Variants in RPS6KA6 observed in about 807,000 individuals in gnomAD.
RPS6KA6 encodes the protein ribosomal protein S6 kinase A6, also known as ribosomal protein S6 kinase alpha-6.
A neutral mutation model predicts 65.4 loss-of-function variants in RPS6KA6; 27 were observed. That is an observed-to-expected ratio of 0.41 (90% CI 0.30 to 0.57). RPS6KA6 has a LOEUF of 0.57. RPS6KA6 is among the 20% of genes least tolerant of loss of function. RPS6KA6 has a pLI of 0.24. For missense variants in RPS6KA6, 486 were observed against 555.6 expected (o/e 0.87, Z 1.26); for synonymous variants, 190 against 184.2 (o/e 1.03, Z -0.26).
Position 84,062,910 on chromosome X carries a change from T to G in RPS6KA6, c.*1367A>C, listed in dbSNP as rs967684810. 9.3e-6 allele frequency: 1 copy of G among 107,770 alleles called. No homozygotes were observed. The highest frequency in any genetic ancestry group is 1.9e-5 in the Non-Finnish European group (1 of 51,875). The allele number at this position is 107,770 out of a possible 1,213,427, so 8.9% of individuals were successfully genotyped here. A position where few individuals can be genotyped will look rare whatever the true frequency, so the allele number is the denominator to read the frequency against. On this transcript the variant is annotated 3_prime_UTR_variant, in exon 22 of 22. Coordinates refer to ENST00000262752, the MANE Select transcript of RPS6KA6 (RefSeq NM_014496.5). ...CCTCCAGTTTACATTCATGAATTCT[T>G]TCTGTCAGTAGTAGTAGTAGTAGTA...
chrX:84,102,612 G>A (rs1026015923), intron 17 of RPS6KA6, among the ~76,000 whole-genome samples: 2 of 110,882 alleles, frequency 1.8e-5, no homozygotes, highest in African/African-American at 6.5e-5. Context: ...CCTCCTTGAA[G>A]TAAACAACCA....
At chrX:84,135,361 G>A (rs1163755996) in intron 6 of RPS6KA6, 151 bp from the exon 7 acceptor site, 10 of 393,671 alleles carry the variant, frequency 2.5e-5, no homozygotes, top group Non-Finnish European at 4.0e-5. Flanking sequence ...ATAATTATTG[G>A]CAATACCAGA....
At chrX:84,106,098 C>T (rs755741920) in intron 15 of RPS6KA6, among the ~76,000 whole-genome samples, 12 of 111,368 alleles carry the variant, frequency 1.1e-4, no homozygotes, top group Non-Finnish European at 1.9e-4. Context: ...CCAATGATGA[C>T]GTGATTGTAA....
chrX:84,131,179 G>A (rs1040533980), intron 8 of RPS6KA6, among the ~76,000 whole-genome samples: 3 of 111,125 alleles, frequency 2.7e-5, no homozygotes, highest in African/African-American at 9.8e-5. Flanking sequence ...ACATCAGAAG[G>A]ATGAGTTTTA....
At chrX:84,127,576 T>C (rs946746777) in intron 8 of RPS6KA6, among the ~76,000 whole-genome samples, 3 of 110,938 alleles carry the variant, frequency 2.7e-5, no homozygotes, top group African/African-American at 9.8e-5. Flanking sequence ...AACAAGATAC[T>C]AGCAAATTGA....
intron 20 of RPS6KA6, among the ~76,000 whole-genome samples, chrX:84,091,369 A>G (rs2034041059): frequency 8.9e-6 from 1 of 112,539 alleles, no homozygotes; most frequent in South Asian, 3.6e-4. Context: ...AGTACTCATT[A>G]TGCTAGATGT....
chrX:84,181,691 C>A (rs1380470348), intron 1 of RPS6KA6, among the ~76,000 whole-genome samples: 1 of 110,907 alleles, frequency 9.0e-6, no homozygotes, highest in Admixed American at 9.7e-5. Flanking sequence ...AAATGTGAAT[C>A]TCTGAGTGGA....
chrX:84,076,623 A>G (rs776466502), intron 20 of RPS6KA6, among the ~76,000 whole-genome samples: 12 of 111,797 alleles, frequency 1.1e-4, no homozygotes, highest in African/African-American at 3.9e-4. Context: ...AATTTTCATC[A>G]AACCAGAAAC....
In RPS6KA6 at chrX:84,059,993, T is replaced by G. The variant is rs918434496; in HGVS notation, c.*4284A>C. The stretch of plus-strand genomic sequence containing the variant: ...AATATATTCAAGTATAGTTCCCTTT[T>G]CTCTTATGTATTAGCAACCAAACTG... On this transcript the variant is annotated 3_prime_UTR_variant, in exon 22 of 22. Transcript: ENST00000262752. 5.4e-5 allele frequency: 6 copies of G among 111,976 alleles called. No individual in the cohort carries two copies. The highest frequency in any genetic ancestry group is 1.9e-4 in the African/African-American group (6 of 30,847). 9.2% of individuals were successfully genotyped at this position (111,976 alleles called of 1,213,427 possible).
At position 84,187,892 on chromosome X, in the gene RPS6KA6, G is replaced by T. The variant is rs762798710; in HGVS notation, c.8C>A (p.Pro3Gln). Residue 3 changes from proline (P) to glutamine (Q), a missense_variant, in exon 1 of 22, where the codon CCA (proline) becomes CAA (glutamine). Pro to Gln is a moderately conservative substitution (Grantham distance 76). Coordinates refer to ENST00000262752, the MANE Select transcript of RPS6KA6 (RefSeq NM_014496.5). Reference sequence around the variant, plus strand: ...CCAGGGCTCGTCCTGAGGAGCGAATGGTAGCATCTCCCCTTCAGGAGCACT... The same window carrying T: ...CCAGGGCTCGTCCTGAGGAGCGAATTGTAGCATCTCCCCTTCAGGAGCACT... ML[P>Q]FAPQDEPWDR... 4 of 1,198,486 alleles carry T rather than the reference G, an allele frequency of 3.3e-6. No individual in the cohort carries two copies. In the South Asian group the frequency reaches 7.2e-5, roughly 22 times the overall value.
intron 1 of RPS6KA6, among the ~76,000 whole-genome samples, chrX:84,166,657 T>C (rs1024253674): frequency 1.8e-5 from 2 of 110,826 alleles, no homozygotes; most frequent in Non-Finnish European, 3.8e-5. Context: ...AGAGTAATAC[T>C]GAAAAAATCA....
At chrX:84,118,356 G>C (rs2034607434) in intron 9 of RPS6KA6, among the ~76,000 whole-genome samples, 2 of 111,296 alleles carry the variant, frequency 1.8e-5, no homozygotes, top group African/African-American at 6.5e-5. Context: ...TGGAGGAGTA[G>C]AGGTGAGAAC....
At position 84,058,524 on chromosome X, in the gene RPS6KA6, G is replaced by A. The variant is rs1178149406; in HGVS notation, c.*5753C>T. ...AGCCATTTCTTTAGCAGCATTGTGA[G>A]AGAAAGAAACATTGTAAAATGAACT... On this transcript the variant is annotated 3_prime_UTR_variant, in exon 22 of 22. Transcript: ENST00000262752. 8.9e-6 allele frequency: 1 copy of A among 111,857 alleles called. No homozygotes were observed. Among genetic ancestry groups the A allele is most frequent in the African/African-American group, 3.2e-5 (1 of 30,783 alleles). The allele number at this position is 111,857 out of a possible 1,213,427, so 9.2% of individuals were successfully genotyped here.
At chrX:84,076,374 C>A (rs2033664095) in intron 20 of RPS6KA6, among the ~76,000 whole-genome samples, 1 of 111,826 alleles carries the variant, frequency 8.9e-6, no homozygotes, top group Non-Finnish European at 1.9e-5. Flanking sequence ...AGTACATCCA[C>A]ATCCCTCATG....
chrX:84,063,662 A>G lies in RPS6KA6; in HGVS notation c.*615T>C, dbSNP rs1162660924. The G allele has an allele frequency of 1.8e-5, 2 of 112,009 alleles. No individual in the cohort carries two copies. Among genetic ancestry groups the G allele is most frequent in the African/African-American group, 6.5e-5 (2 of 30,829 alleles). The allele number at this position is 112,009 out of a possible 1,213,427, so 9.2% of individuals were successfully genotyped here. A position where few individuals can be genotyped will look rare whatever the true frequency, so the allele number is the denominator to read the frequency against. On this transcript the variant is annotated 3_prime_UTR_variant, in exon 22 of 22. Transcript: ENST00000262752. ...TGCCTGCACACATTATCTGAGATAT[A>G]ATTCTTCTATAAAAACTTTGGCACC...
At position 84,060,812 on chromosome X, in the gene RPS6KA6, C is replaced by T. The variant is rs2033291905; in HGVS notation, c.*3465G>A. ...TTAAAATTATCACCTTGTTAGATTG[C>T]CTGAAGATCCAGCAACTAAAAACTT... On this transcript the variant is annotated 3_prime_UTR_variant, in exon 22 of 22. Transcript: ENST00000262752. The T allele has an allele frequency of 8.9e-6, 1 of 111,905 alleles. No homozygotes were observed. Among genetic ancestry groups the T allele is most frequent in the East Asian group, 2.8e-4 (1 of 3,572 alleles). The allele number at this position is 111,905 out of a possible 1,213,427, so 9.2% of individuals were successfully genotyped here.
intron 1 of RPS6KA6, among the ~76,000 whole-genome samples, chrX:84,173,811 C>T (rs1204617387): frequency 1.8e-5 from 2 of 111,404 alleles, no homozygotes; most frequent in Non-Finnish European, 3.8e-5. Flanking sequence ...CAGTCATGAG[C>T]CACAGTGCCC....
At chrX:84,151,402 T>C (rs1260266655) in intron 3 of RPS6KA6, among the ~76,000 whole-genome samples, 2 of 109,615 alleles carry the variant, frequency 1.8e-5, no homozygotes, top group Non-Finnish European at 3.8e-5. Context: ...ATGTGGCAAA[T>C]ATACATTTGC....
chrX:84,079,915 G>A (rs780099243), intron 20 of RPS6KA6, among the ~76,000 whole-genome samples: 1 of 112,103 alleles, frequency 8.9e-6, no homozygotes, highest in Non-Finnish European at 1.9e-5. Context: ...AGACTTAAAC[G>A]TTCCTACCTG....
Sources: allele counts gnomAD v4.1 joint callset (sites outside exome capture counted in the v4.1 genomes callset), GRCh38; gene constraint gnomAD v4.1.1; transcripts MANE v1.5; gene names NCBI Gene and HGNC (gene_info 2026-07-23, HGNC 2026-07-21).